HTR1F: variants seen among roughly 807,000 people sequenced by gnomAD.
HTR1F encodes the protein 5-hydroxytryptamine receptor 1F.
HTR1F carries 17 observed loss-of-function variants against 24.0 expected under a neutral mutation model. That is an observed-to-expected ratio of 0.71 (90% CI 0.48 to 1.06). The LOEUF is 1.06. HTR1F is among the 50% of genes least tolerant of loss of function. The pLI is 0.00. For synonymous variants in HTR1F, 186 were observed against 156.8 expected, an observed-to-expected ratio of 1.19 and a Z score of -1.39; for missense variants, 391 against 427.8, an observed-to-expected ratio of 0.91 and a Z score of 0.76.
rs568547281 is a variant in HTR1F, at chr3:87,792,877, CG to C, written c.-160+38del. Among the ~76,000 whole-genome samples the C allele has an allele frequency of 1.2e-4, 19 of 152,282 alleles. No homozygotes were observed. In the South Asian group the frequency reaches 3.9e-3, roughly 32 times the overall value. On this transcript the variant is annotated intron_variant, in intron 1 of 2. Transcript: ENST00000319595. ...CGGATCAGCGCTGAGCCCGGGAGTG[CG>C]GGTCACGCCCGCAGCTGGCGCGCAG...
intron 2 of HTR1F, chr3:87,910,424 A>T (rs530845636): frequency 6.6e-6 from 1 of 152,048 alleles, no homozygotes; most frequent in Non-Finnish European, 1.5e-5. Flanking sequence ...AAACCTAACT[A>T]TCGTAAATAT....
intron 2 of HTR1F, among the ~76,000 whole-genome samples, chr3:87,836,209 A>T (rs575855482): frequency 6.6e-6 from 1 of 152,208 alleles, no homozygotes; most frequent in Non-Finnish European, 1.5e-5. Flanking sequence ...AGGAAAGACA[A>T]TACTTCTATT....
chr3:87,858,123 T>C (rs2107222619), intron 2 of HTR1F, among the ~76,000 whole-genome samples: 1 of 152,316 alleles, frequency 6.6e-6, no homozygotes, highest in East Asian at 1.9e-4. Flanking sequence ...GTCTAATTAT[T>C]TTCAGTAAAT....
intron 2 of HTR1F, among the ~76,000 whole-genome samples, chr3:87,870,989 G>GA (rs35317346): frequency 0.071 from 9,559 of 135,004 alleles, 744 homozygotes; most frequent in African/African-American, 0.2. Flanking sequence ...CCAAATCTCA[G>GA]AAAAAAAAAA....
chr3:87,816,049 T>C (rs998434480), intron 1 of HTR1F, among the ~76,000 whole-genome samples: 3 of 152,088 alleles, frequency 2.0e-5, no homozygotes, highest in African/African-American at 7.2e-5. Flanking sequence ...TGAGCAAATT[T>C]GAAACATGAC....
At chr3:87,935,189 G>T (rs369700469) in intron 2 of HTR1F, among the ~76,000 whole-genome samples, 1 of 152,104 alleles carries the variant, frequency 6.6e-6, no homozygotes, top group African/African-American at 2.4e-5. Flanking sequence ...CTTCACAAAA[G>T]CTGGACTCTA....
chr3:87,920,241 G>T lies in HTR1F; in HGVS notation c.-42-70467G>T, dbSNP rs539501768. On this transcript the variant is annotated intron_variant, in intron 2 of 2. Coordinates refer to ENST00000319595, the MANE Select transcript of HTR1F (RefSeq NM_001322209.2). ...TAAGAATGACACGATGGACTTTGGG[G>T]ACTCAGGGGAAAGGGTGGGAAGGGG... is the stretch of plus-strand genomic sequence containing the variant. Among the ~76,000 whole-genome samples the T allele has an allele frequency of 2.6e-5, 4 of 151,918 alleles. No homozygotes were observed. The South Asian group carries it at 8.3e-4, about 32-fold the overall frequency.
intron 2 of HTR1F, among the ~76,000 whole-genome samples, chr3:87,839,433 G>C (rs1704752654): frequency 6.6e-6 from 1 of 152,028 alleles, no homozygotes; most frequent in Non-Finnish European, 1.5e-5. Context: ...TTTTATGCCA[G>C]TACCATGCTG....
At chr3:87,829,440 A>G (rs942778966) in intron 2 of HTR1F, among the ~76,000 whole-genome samples, 4 of 152,240 alleles carry the variant, frequency 2.6e-5, no homozygotes, top group Admixed American at 2.0e-4. Flanking sequence ...TCCTTAAAAC[A>G]TTGAAATCCA....
At chr3:87,848,370 T>A (rs1388805706) in intron 2 of HTR1F, among the ~76,000 whole-genome samples, 1 of 151,872 alleles carries the variant, frequency 6.6e-6, no homozygotes, top group Non-Finnish European at 1.5e-5. Context: ...TAGTGGGATT[T>A]TTTTTCTGTT....
At chr3:87,936,114 T>G (rs1273994320) in intron 2 of HTR1F, among the ~76,000 whole-genome samples, 2 of 152,238 alleles carry the variant, frequency 1.3e-5, no homozygotes, top group Admixed American at 1.3e-4. Context: ...CCTCCCAAAG[T>G]GCTGGGATTA....
Position 87,991,679 on chromosome 3 carries a change from T to C in HTR1F, c.930T>C (p.Phe310=). The part of the protein sequence containing the change: ...GAFVICWLPF[F]VKELVVNVCD... Reference sequence around the variant, plus strand: ...TTGTAATATGTTGGCTTCCTTTTTTTGTAAAAGAATTAGTTGTTAATGTCT... The same window carrying C: ...TTGTAATATGTTGGCTTCCTTTTTTCGTAAAAGAATTAGTTGTTAATGTCT... The change falls in exon 3 of 3, where the codon TTT becomes TTC. Residue 310 remains phenylalanine, a synonymous_variant. Coordinates refer to ENST00000319595, the MANE Select transcript of HTR1F (RefSeq NM_001322209.2). 1 of 1,613,380 alleles carries C rather than the reference T, an allele frequency of 6.2e-7. No homozygotes were observed. Among genetic ancestry groups the C allele is most frequent in the South Asian group, 1.1e-5 (1 of 90,880 alleles).
intron 2 of HTR1F, among the ~76,000 whole-genome samples, chr3:87,866,961 G>T (rs1228105719): frequency 1.3e-5 from 2 of 151,626 alleles, no homozygotes; most frequent in African/African-American, 4.8e-5. Context: ...ACATCAGTTT[G>T]AACCTGAAGT....
At chr3:87,990,585 A>G in intron 2 of HTR1F, 123 bp from the exon 3 acceptor site, 1 of 547,436 alleles carries the variant, frequency 1.8e-6, no homozygotes, top group African/African-American at 1.9e-5. Context: ...TCTGAACCTC[A>G]TTTTTTTAAT....
At chr3:87,826,088 T>C (rs922142268) in intron 2 of HTR1F, among the ~76,000 whole-genome samples, 2 of 152,212 alleles carry the variant, frequency 1.3e-5, no homozygotes, top group Non-Finnish European at 1.5e-5. Context: ...CCTTCTTGCA[T>C]TCTCCTACCA....
chr3:87,854,039 C>T (rs921738825), intron 2 of HTR1F, among the ~76,000 whole-genome samples: 3 of 151,874 alleles, frequency 2.0e-5, no homozygotes, highest in African/African-American at 7.3e-5. Flanking sequence ...TATCCTGGTA[C>T]CTTTTTAATG....
At chr3:87,984,837 A>G (rs900048810) in intron 2 of HTR1F, among the ~76,000 whole-genome samples, 1 of 152,216 alleles carries the variant, frequency 6.6e-6, no homozygotes, top group African/African-American at 2.4e-5. Context: ...GGAATAAATG[A>G]AAGCAAAGAA....
At chr3:87,906,930 CGTT>C (rs1703679846) in intron 2 of HTR1F, among the ~76,000 whole-genome samples, 1 of 152,004 alleles carries the variant, frequency 6.6e-6, no homozygotes, top group African/African-American at 2.4e-5. Context: ...TTTAGCCACT[CGTT>C]GATTGATGGG....
At chr3:87,799,780 A>G (rs1193351455) in intron 1 of HTR1F, among the ~76,000 whole-genome samples, 1 of 152,198 alleles carries the variant, frequency 6.6e-6, no homozygotes, top group Non-Finnish European at 1.5e-5. Context: ...TCTCTTCTGC[A>G]TATCTAGCCC....
Sources: allele counts gnomAD v4.1 joint callset (sites outside exome capture counted in the v4.1 genomes callset), GRCh38; gene constraint gnomAD v4.1.1; transcripts MANE v1.5; gene names NCBI Gene and HGNC (gene_info 2026-07-23, HGNC 2026-07-21).